Variants in SFTPD observed in about 807,000 individuals in gnomAD.
The protein encoded by SFTPD is surfactant protein D.
In SFTPD, 18 loss-of-function variants were observed where a neutral mutation model predicts 34.6. That is an observed-to-expected ratio of 0.52 (90% CI 0.36 to 0.77). The LOEUF is 0.77. SFTPD is among the 30% of genes least tolerant of loss of function. The probability of loss-of-function intolerance (pLI) is 0.00; values close to 1 mark genes in which losing one functional copy is unlikely to be tolerated. For synonymous variants in SFTPD, 155 were observed against 180.9 expected (o/e 0.86, Z 1.15); for missense variants, 433 against 468.9 (o/e 0.92, Z 0.71).
intron 1 of SFTPD, among the ~76,000 whole-genome samples, chr10:79,980,911 T>C (rs1024108333): frequency 1.3e-5 from 2 of 152,188 alleles, no homozygotes; most frequent in African/African-American, 4.8e-5. Flanking sequence ...AACTCTTTAA[T>C]GCCCAGACAC....
chr10:79,971,211 A>T (rs748441899), intron 1 of SFTPD: 4 of 152,056 alleles, frequency 2.6e-5, no homozygotes, highest in Non-Finnish European at 4.4e-5. Context: ...ATAAATCCCA[A>T]TTGATTATGG....
chr10:79,978,172 T>G (rs1402258874), intron 1 of SFTPD, among the ~76,000 whole-genome samples: 2 of 152,242 alleles, frequency 1.3e-5, no homozygotes, highest in African/African-American at 4.8e-5. Context: ...CAATGCTGTT[T>G]GGTATAATCT....
At chr10:79,946,426 C>G (rs964764273) in intron 2 of SFTPD, 35 bp downstream of exon 2, 12 of 1,501,658 alleles carry the variant, frequency 8.0e-6, no homozygotes, top group Middle Eastern at 3.4e-4. Flanking sequence ...ATGACCATTC[C>G]TCCCCAGCAG....
rs1842576775 is a variant in SFTPD at position 79,938,203 on chromosome 10, A to G, written c.777T>C (p.Ser259=). 6.3e-6 allele frequency: 10 copies of G among 1,597,418 alleles called. No individual in the cohort carries two copies. The highest frequency in any genetic ancestry group is 7.7e-6 in the Non-Finnish European group (9 of 1,166,440). The part of the protein sequence containing the change: ...KKVELFPNGQ[S]VGEKIFKTAG... ...CTGTCTTGAAAATCTTCTCCCCGAC[A>G]CTTTGGCCATTTGGGAAGAGCTCAA... The change falls in exon 8 of 8, where the codon AGT becomes AGC. Residue 259 remains serine, a synonymous_variant. Coordinates refer to ENST00000372292, the MANE Select transcript of SFTPD (RefSeq NM_003019.5).
At chr10:79,940,241 G>A (rs1037736408) in intron 7 of SFTPD, among the ~76,000 whole-genome samples, 13 of 152,206 alleles carry the variant, frequency 8.5e-5, no homozygotes, top group Admixed American at 2.6e-4. Context: ...AATGCAGCCC[G>A]TGTTGGGTAG....
intron 1 of SFTPD, among the ~76,000 whole-genome samples, chr10:79,974,861 T>G (rs1387133206): frequency 6.6e-6 from 1 of 151,964 alleles, no homozygotes; most frequent in South Asian, 2.1e-4. Flanking sequence ...AATATAGAGG[T>G]GTAAAGTGGG....
chr10:79,942,623 G>T (rs1842625568), intron 3 of SFTPD, 119 bp from the exon 4 acceptor site: 4 of 907,002 alleles, frequency 4.4e-6, no homozygotes, highest in Non-Finnish European at 7.3e-6. Flanking sequence ...CCCAACAGCA[G>T]GTCCCATCTG....
chr10:79,960,528 G>A (rs1485936831), intron 1 of SFTPD, among the ~76,000 whole-genome samples: 70 of 148,766 alleles, frequency 4.7e-4, no homozygotes, highest in African/African-American at 1.6e-3. Flanking sequence ...CAAATCATGA[G>A]TGAACTCCCA....
chr10:79,944,942 T>C (rs1486433548), intron 2 of SFTPD, among the ~76,000 whole-genome samples: 1 of 152,046 alleles, frequency 6.6e-6, no homozygotes, highest in African/African-American at 2.4e-5. Context: ...GCACAGACTT[T>C]GGCCCACAGA....
intron 1 of SFTPD, among the ~76,000 whole-genome samples, chr10:79,947,845 C>T (rs1249062420): frequency 6.6e-6 from 1 of 152,170 alleles, no homozygotes; most frequent in Non-Finnish European, 1.5e-5. Context: ...AAGAGCAGGA[C>T]CTGGGACATT....
chr10:79,965,684 A>G (rs1298203192), intron 1 of SFTPD, among the ~76,000 whole-genome samples: 2 of 102,072 alleles, frequency 2.0e-5, no homozygotes, highest in African/African-American at 8.8e-5. Flanking sequence ...TGCACCCACT[A>G]ACGTGTCATC....
intron 1 of SFTPD, among the ~76,000 whole-genome samples, chr10:79,956,933 G>A (rs893941218): frequency 6.6e-6 from 1 of 152,034 alleles, no homozygotes; most frequent in Non-Finnish European, 1.5e-5. Flanking sequence ...CACACGGCCG[G>A]GTACTCCTCT....
At position 79,941,935 on chromosome 10, in the gene SFTPD, A is replaced by T; in HGVS notation, c.550+19T>A. The T allele has an allele frequency of 6.5e-7, 1 of 1,529,612 alleles. No individual in the cohort carries two copies. The highest frequency in any genetic ancestry group is 1.1e-5 in the South Asian group (1 of 89,086). The allele number at this position is 1,529,612 out of a possible 1,614,324, so 94.8% of individuals were successfully genotyped here. A position where few individuals can be genotyped will look rare whatever the true frequency, so the allele number is the denominator to read the frequency against. On this transcript the variant is annotated intron_variant, in intron 5 of 7. Coordinates refer to ENST00000372292, the MANE Select transcript of SFTPD (RefSeq NM_003019.5). ...AGGAGAACTGGACCCAGCCCAGCCCAGCTCTTTCCACTGCTCACCTGCTGC... is the reference window on the plus strand; with the variant it reads ...AGGAGAACTGGACCCAGCCCAGCCCTGCTCTTTCCACTGCTCACCTGCTGC...
At chr10:79,961,115 C>G (rs574674741) in intron 1 of SFTPD, among the ~76,000 whole-genome samples, 125 of 152,288 alleles carry the variant, frequency 8.2e-4, no homozygotes, top group African/African-American at 2.9e-3. Context: ...GAAACTGGAT[C>G]CCTTCCTTAC....
At chr10:79,974,324 C>T (rs542449653) in intron 1 of SFTPD, among the ~76,000 whole-genome samples, 18 of 151,844 alleles carry the variant, frequency 1.2e-4, no homozygotes, top group East Asian at 3.9e-4. Context: ...CCTGCCACCA[C>T]GCCCAGCTAA....
chr10:79,942,252 G>A (rs1193671472), intron 4 of SFTPD, 136 bp downstream of exon 4: 6 of 743,070 alleles, frequency 8.1e-6, no homozygotes, highest in Non-Finnish European at 1.4e-5. Flanking sequence ...GTGGGGATTG[G>A]GAGGGTGCAT....
rs1842578205 is a variant in SFTPD at position 79,938,291 on chromosome 10, G to A, written c.752-63C>T. 2.0e-6 allele frequency: 3 copies of A among 1,477,630 alleles called. No individual in the cohort carries two copies. In the Admixed American group the frequency reaches 5.6e-5, roughly 27 times the overall value. The allele number at this position is 1,477,630 out of a possible 1,614,324, so 91.5% of individuals were successfully genotyped here. A position where few individuals can be genotyped will look rare whatever the true frequency, so the allele number is the denominator to read the frequency against. ...CACCTGGCCAAAGCTCAGGGGCTGT[G>A]AGACCTCTGTGCTCCAACCTGAGCC... On this transcript the variant is annotated intron_variant, in intron 7 of 7. Transcript: ENST00000372292.
chr10:79,944,491 A>G (rs1171780570), intron 2 of SFTPD, among the ~76,000 whole-genome samples: 1 of 152,088 alleles, frequency 6.6e-6, no homozygotes, highest in African/African-American at 2.4e-5. Flanking sequence ...GAGAAGAGCA[A>G]ATGGCAAGCC....
In SFTPD at chr10:79,942,800, A is replaced by C. The variant is rs1180295115; in HGVS notation, c.279T>G (p.Val93=). The C allele has an allele frequency of 6.2e-7, 1 of 1,613,806 alleles. No homozygotes were observed. The highest frequency in any genetic ancestry group is 8.5e-7 in the Non-Finnish European group (1 of 1,179,726). Residue 93 remains valine (V), a synonymous_variant, in exon 3 of 8, where the codon GTT becomes GTG. Transcript: ENST00000372292. ...TGTCTCCCTTTGGTCCAGGTTCTCC[A>C]ACAGAGCCATTGTCCCCTTTGGGCC... is the stretch of plus-strand genomic sequence containing the variant. ...PVGPKGDNGS[V]GEPGPKGDTG...
Sources: gnomAD v4.1 joint callset for allele counts (sites outside exome capture counted in the v4.1 genomes callset) on GRCh38, gnomAD v4.1.1 for gene constraint, MANE v1.5 for transcripts, NCBI Gene and HGNC (gene_info 2026-07-23, HGNC 2026-07-21) for gene names.